RSPO2: variants seen among roughly 807,000 people sequenced by gnomAD.
The protein encoded by RSPO2 is R-spondin-2.
A neutral mutation model predicts 30.9 loss-of-function variants in RSPO2; 14 were observed. The ratio of observed to expected loss-of-function variants is 0.45; its 90% CI spans 0.30 to 0.71. The LOEUF (loss-of-function observed/expected upper bound fraction) is 0.71, where lower values mean the gene tolerates loss of function less well. RSPO2 is among the 30% of genes least tolerant of loss of function. The pLI, the probability that RSPO2 is intolerant of heterozygous loss-of-function variation, is 0.08. For missense variants in RSPO2, 264 were observed against 301.9 expected, an observed-to-expected ratio of 0.87 and a Z score of 0.93; for synonymous variants, 107 against 96.4, an observed-to-expected ratio of 1.11 and a Z score of -0.64.
intron 5 of RSPO2, among the ~76,000 whole-genome samples, chr8:107,952,016 G>A (rs968500897): frequency 1.9e-4 from 29 of 152,008 alleles, no homozygotes; most frequent in African/African-American, 6.8e-4. Flanking sequence ...ACCATCACCA[G>A]GTGCCAGTGG....
intron 2 of RSPO2, among the ~76,000 whole-genome samples, chr8:108,062,881 G>A (rs758013333): frequency 7.2e-5 from 11 of 151,868 alleles, no homozygotes; most frequent in African/African-American, 9.7e-5. Context: ...TTCAACATAC[G>A]CAAATCAATA....
chr8:108,062,351 G>T (rs1290142102), intron 2 of RSPO2, among the ~76,000 whole-genome samples: 1 of 151,490 alleles, frequency 6.6e-6, no homozygotes, highest in Non-Finnish European at 1.5e-5. Context: ...ATGACAAAGG[G>T]GATATCACCA....
intron 2 of RSPO2, among the ~76,000 whole-genome samples, chr8:108,057,039 G>C (rs559871250): frequency 3.8e-4 from 34 of 90,158 alleles, no homozygotes; most frequent in African/African-American, 1.4e-3. Context: ...CCTGGCAACA[G>C]AGTGAGACTC....
chr8:107,980,171 C>T (rs996873430), intron 3 of RSPO2, among the ~76,000 whole-genome samples: 2 of 152,176 alleles, frequency 1.3e-5, no homozygotes, highest in African/African-American at 4.8e-5. Flanking sequence ...CCCATGGGTT[C>T]CCTGAGCAGC....
chr8:107,954,771 C>A (rs898742880), intron 5 of RSPO2, among the ~76,000 whole-genome samples: 1 of 152,010 alleles, frequency 6.6e-6, no homozygotes, highest in Non-Finnish European at 1.5e-5. Flanking sequence ...CCACCATGCC[C>A]AGCTAATTTT....
chr8:107,963,014 C>T (rs1332010732), intron 3 of RSPO2, among the ~76,000 whole-genome samples: 1 of 152,116 alleles, frequency 6.6e-6, no homozygotes, highest in Non-Finnish European at 1.5e-5. Context: ...GCTCCCAATA[C>T]CAGTTCATAG....
At chr8:108,059,287 C>T (rs546476287) in intron 2 of RSPO2, among the ~76,000 whole-genome samples, 1 of 151,532 alleles carries the variant, frequency 6.6e-6, no homozygotes, top group African/African-American at 2.4e-5. Context: ...AAATGCAAAT[C>T]AAAACCACAA....
chr8:107,918,008 G>A (rs902159744), intron 5 of RSPO2, among the ~76,000 whole-genome samples: 5 of 152,222 alleles, frequency 3.3e-5, no homozygotes, highest in South Asian at 2.1e-4. Flanking sequence ...AGAATGTGAC[G>A]TTAGAATAGA....
At chr8:107,984,935 G>A (rs1296543485) in intron 3 of RSPO2, among the ~76,000 whole-genome samples, 1 of 152,052 alleles carries the variant, frequency 6.6e-6, no homozygotes, top group Non-Finnish European at 1.5e-5. Context: ...CTTTGTAATA[G>A]TTCATTAAAC....
intron 3 of RSPO2, among the ~76,000 whole-genome samples, chr8:107,963,656 T>C (rs1373786144): frequency 4.0e-5 from 6 of 151,444 alleles, no homozygotes. Context: ...GAGGGGATAG[T>C]AGAATTTTGA....
chr8:107,953,305 A>G (rs1813313746), intron 5 of RSPO2, among the ~76,000 whole-genome samples: 1 of 152,128 alleles, frequency 6.6e-6, no homozygotes, highest in South Asian at 2.1e-4. Flanking sequence ...AAGATTAGGG[A>G]TGGCAACTAC....
At chr8:107,996,296 G>C (rs759906306) in intron 2 of RSPO2, among the ~76,000 whole-genome samples, 4 of 152,134 alleles carry the variant, frequency 2.6e-5, no homozygotes, top group African/African-American at 7.2e-5. Context: ...ATGATATTTA[G>C]AGAAACAATT....
chr8:108,076,522 G>A (rs77597087), intron 2 of RSPO2, among the ~76,000 whole-genome samples: 4,175 of 152,178 alleles, frequency 0.027, 175 homozygotes, highest in African/African-American at 0.093. Context: ...TCACTAATCC[G>A]ATATAGTTTA....
At chr8:107,956,468 T>G (rs1167890992) in intron 5 of RSPO2, among the ~76,000 whole-genome samples, 1 of 152,218 alleles carries the variant, frequency 6.6e-6, no homozygotes, top group South Asian at 2.1e-4. Context: ...TCAAGTTGTA[T>G]TCAACTAAGA....
intron 3 of RSPO2, among the ~76,000 whole-genome samples, chr8:107,978,945 G>A (rs1301687349): frequency 6.6e-6 from 1 of 152,158 alleles, no homozygotes; most frequent in East Asian, 1.9e-4. Context: ...CATCATCACT[G>A]GCCGTCAGAG....
chr8:108,026,064 G>A (rs1811205659), intron 2 of RSPO2, among the ~76,000 whole-genome samples: 1 of 152,142 alleles, frequency 6.6e-6, no homozygotes, highest in South Asian at 2.1e-4. Flanking sequence ...CAAAGTTAAT[G>A]TCCCTAGAAT....
At chr8:108,003,297 ATATATATATATATATTTTTTTTTT>A (rs1292305828) in intron 2 of RSPO2, among the ~76,000 whole-genome samples, 11 of 23,328 alleles carry the variant, frequency 4.7e-4, no homozygotes, top group African/African-American at 1.4e-3. Flanking sequence ...ATATATATAT[ATATATATATATATATTTTTTTTTT>A]TTTTTTTTTT....
At chr8:108,054,137 C>A (rs1812162489) in intron 2 of RSPO2, among the ~76,000 whole-genome samples, 1 of 152,102 alleles carries the variant, frequency 6.6e-6, no homozygotes, top group African/African-American at 2.4e-5. Context: ...AGGCTCTCAC[C>A]CTTTTGGATC....
At chr8:107,996,816 C>T (rs985577919) in intron 2 of RSPO2, 2 of 383,630 alleles carry the variant, frequency 5.2e-6, no homozygotes, top group African/African-American at 2.1e-5. Flanking sequence ...CAAACTGTGC[C>T]CTGCATTTTT....
Sources: gnomAD v4.1 joint callset for allele counts (sites outside exome capture counted in the v4.1 genomes callset) on GRCh38, gnomAD v4.1.1 for gene constraint, MANE v1.5 for transcripts, NCBI Gene and HGNC (gene_info 2026-07-23, HGNC 2026-07-21) for gene names.